FSTL4: variants seen among roughly 807,000 people sequenced by gnomAD.
FSTL4 encodes follistatin like 4.
A neutral mutation model predicts 78.2 loss-of-function variants in FSTL4; 28 were observed. The ratio of observed to expected loss-of-function variants is 0.36; its 90% CI spans 0.27 to 0.49. FSTL4 has a LOEUF of 0.49. Among genes scored for constraint, FSTL4 ranks in the 20% least tolerant of loss-of-function variants. The pLI, the probability that FSTL4 is intolerant of heterozygous loss-of-function variation, is 0.98. For synonymous variants in FSTL4, 422 were observed against 440.5 expected (o/e 0.96, Z 0.53); for missense variants, 922 against 1,084.9 (o/e 0.85, Z 2.11).
intron 3 of FSTL4, among the ~76,000 whole-genome samples, chr5:133,453,987 T>C (rs1309975586): frequency 3.3e-5 from 5 of 152,200 alleles, no homozygotes; most frequent in Non-Finnish European, 5.9e-5. Context: ...CTCAGCAATA[T>C]AAATATCACA....
chr5:133,723,758 G>T, the FSTL4 span, among the ~76,000 whole-genome samples: 2 of 152,168 alleles, frequency 1.3e-5, no homozygotes, highest in African/African-American at 2.4e-5. Flanking sequence ...ATCCCTGGGG[G>T]ATAGGTCATC....
At chr5:133,813,578 T>C in the FSTL4 span, among the ~76,000 whole-genome samples, 1 of 152,242 alleles carries the variant, frequency 6.6e-6, no homozygotes, top group Admixed American at 6.5e-5. Flanking sequence ...TTCTCATATG[T>C]TTAATCTTTT....
chr5:133,278,525 G>C (rs1003809919), intron 6 of FSTL4, among the ~76,000 whole-genome samples: 1 of 152,212 alleles, frequency 6.6e-6, no homozygotes, highest in Non-Finnish European at 1.5e-5. Flanking sequence ...TCAGGAGTTG[G>C]GTGTGTCTTA....
intron 2 of FSTL4, among the ~76,000 whole-genome samples, chr5:133,602,642 A>G (rs1422543776): frequency 2.0e-5 from 3 of 152,224 alleles, no homozygotes; most frequent in Non-Finnish European, 2.9e-5. Context: ...TGTTCTCACC[A>G]GCAAGCCAGC....
Position 133,218,605 on chromosome 5 carries a change from C to A in FSTL4, c.1459-1227G>T, listed in dbSNP as rs887236322. On this transcript the variant is annotated intron_variant, in intron 12 of 15. Coordinates refer to ENST00000265342, the MANE Select transcript of FSTL4 (RefSeq NM_015082.2). Reference sequence around the variant, plus strand: ...CTCCATGCCATGGGCGTGCTCAGCACTCCTCAATCACGCCGCTCTCCTGCA... The same window carrying A: ...CTCCATGCCATGGGCGTGCTCAGCAATCCTCAATCACGCCGCTCTCCTGCA... Among the ~76,000 whole-genome samples the A allele has an allele frequency of 2.6e-5, 4 of 152,354 alleles. No homozygotes were observed. The East Asian group carries it at 7.7e-4, about 29-fold the overall frequency.
At chr5:133,538,458 T>C (rs1040599354) in intron 3 of FSTL4, among the ~76,000 whole-genome samples, 5 of 152,204 alleles carry the variant, frequency 3.3e-5, no homozygotes, top group Admixed American at 2.0e-4. Flanking sequence ...TATCCACCTT[T>C]TGTAATTAAA....
chr5:133,585,654 G>C (rs1362417226), intron 2 of FSTL4, among the ~76,000 whole-genome samples: 1 of 1,230 alleles, frequency 8.1e-4, no homozygotes, highest in Non-Finnish European at 1.3e-3. Flanking sequence ...GACCTACAAA[G>C]AGACTTAGAC....
chr5:133,673,623 C>A, the FSTL4 span, among the ~76,000 whole-genome samples: 4 of 152,208 alleles, frequency 2.6e-5, no homozygotes, highest in Non-Finnish European at 5.9e-5. Context: ...ACTTTGAATT[C>A]TCCAATTTAA....
At chr5:133,508,961 T>C (rs564484494) in intron 3 of FSTL4, among the ~76,000 whole-genome samples, 34 of 152,138 alleles carry the variant, frequency 2.2e-4, no homozygotes, top group Non-Finnish European at 3.1e-4. Flanking sequence ...GTTAATCTTG[T>C]AATCCTTCCT....
chr5:133,832,177 C>T, the FSTL4 span, among the ~76,000 whole-genome samples: 422 of 152,346 alleles, frequency 2.8e-3, 2 homozygotes, highest in African/African-American at 9.4e-3. Flanking sequence ...TCGCCTCCTG[C>T]ATTGTTTGGG....
At chr5:133,266,410 A>G (rs1203044056) in intron 6 of FSTL4, among the ~76,000 whole-genome samples, 1 of 152,264 alleles carries the variant, frequency 6.6e-6, no homozygotes, top group Non-Finnish European at 1.5e-5. Flanking sequence ...AAATCTGCCC[A>G]TTAAAATGCA....
the FSTL4 span, among the ~76,000 whole-genome samples, chr5:133,829,694 C>T: frequency 5.9e-5 from 9 of 152,272 alleles, no homozygotes; most frequent in Non-Finnish European, 1.0e-4. Context: ...CCCAAATGTC[C>T]CAGCCCAGGG....
chr5:133,271,536 G>A lies in FSTL4; in HGVS notation c.728-21960C>T, dbSNP rs535003168. On this transcript the variant is annotated intron_variant, in intron 6 of 15. Coordinates refer to ENST00000265342, the MANE Select transcript of FSTL4 (RefSeq NM_015082.2). ...TGGCTAGCCTTTCCTGCCCCCCACC[G>A]CCCCAGCATCAAGCCCAGCTAGTGA... Among the ~76,000 whole-genome samples the A allele has an allele frequency of 9.9e-5, 15 of 152,142 alleles. No individual in the cohort carries two copies. The South Asian group carries it at 1.9e-3, about 19-fold the overall frequency.
chr5:133,592,830 C>T (rs1389932639), intron 2 of FSTL4, among the ~76,000 whole-genome samples: 1 of 152,138 alleles, frequency 6.6e-6, no homozygotes. Context: ...GAGGTCTCAC[C>T]AGAAGCAGAT....
chr5:133,306,205 G>A (rs1753651410), intron 6 of FSTL4, among the ~76,000 whole-genome samples: 1 of 152,270 alleles, frequency 6.6e-6, no homozygotes, highest in African/African-American at 2.4e-5. Flanking sequence ...GAGTTGGGCC[G>A]GGTGGGGCTG....
At chr5:133,710,577 C>A in the FSTL4 span, among the ~76,000 whole-genome samples, 1 of 152,174 alleles carries the variant, frequency 6.6e-6, no homozygotes, top group Admixed American at 6.5e-5. Flanking sequence ...TGGCAGTTAC[C>A]CAGGGAATGG....
intron 4 of FSTL4, among the ~76,000 whole-genome samples, chr5:133,336,658 A>G (rs1754471301): frequency 6.6e-6 from 1 of 152,104 alleles, no homozygotes. Context: ...ATCTTCTTCA[A>G]CACATCCTCC....
chr5:133,582,151 C>T (rs1355631749), intron 2 of FSTL4, among the ~76,000 whole-genome samples: 1 of 152,190 alleles, frequency 6.6e-6, no homozygotes, highest in Non-Finnish European at 1.5e-5. Context: ...GATGCCAGCT[C>T]AGTATCCAGA....
chr5:133,691,736 A>G, the FSTL4 span, among the ~76,000 whole-genome samples: 1 of 151,972 alleles, frequency 6.6e-6, no homozygotes, highest in African/African-American at 2.4e-5. Context: ...AATGGCACAC[A>G]AGAGGTGCTC....
Sources: allele counts gnomAD v4.1 joint callset (sites outside exome capture counted in the v4.1 genomes callset), GRCh38; gene constraint gnomAD v4.1.1; transcripts MANE v1.5; gene names NCBI Gene and HGNC (gene_info 2026-07-23, HGNC 2026-07-21).